The following IPO11 variants were observed in gnomAD, a reference collection of about 807,000 sequenced individuals.
The protein encoded by IPO11 is importin-11.
A neutral mutation model predicts 143.2 loss-of-function variants in IPO11; 66 were observed. The ratio of observed to expected loss-of-function variants is 0.46; its 90% confidence interval spans 0.38 to 0.57. IPO11 has a LOEUF of 0.57. Ranked by LOEUF, IPO11 falls within the 20% of genes least tolerant of loss-of-function variation. IPO11 has a pLI of 0.00. For missense variants in IPO11, 1,026 were observed against 1,141.0 expected (o/e 0.90, Z 1.45); for synonymous variants, 385 against 377.8 (o/e 1.02, Z -0.22).
intron 29 of IPO11, among the ~76,000 whole-genome samples, chr5:62,615,060 T>C (rs568211626): frequency 5.3e-5 from 8 of 152,292 alleles, no homozygotes; most frequent in Admixed American, 4.6e-4. Context: ...TGTTCTGCTC[T>C]TCTTTTCTCC....
At chr5:62,454,297 C>T (rs1214258623) in intron 5 of IPO11, among the ~76,000 whole-genome samples, 4 of 152,206 alleles carry the variant, frequency 2.6e-5, no homozygotes, top group African/African-American at 4.8e-5. Flanking sequence ...TCACTCAAGT[C>T]TTTCTGTGAA....
At chr5:62,452,723 GGTGTGTGTGTGTGTGTGT>G (rs57057274) in intron 5 of IPO11, among the ~76,000 whole-genome samples, 7 of 135,334 alleles carry the variant, frequency 5.2e-5, no homozygotes, top group Admixed American at 2.9e-4. Context: ...TTTTTGGTGG[GGTGTGTGTGTGTGTGTGT>G]GTGTGTGTGT....
chr5:62,613,293 C>CTCT (rs1169859920), intron 29 of IPO11, among the ~76,000 whole-genome samples: 4 of 102,912 alleles, frequency 3.9e-5, no homozygotes, highest in African/African-American at 1.3e-4. Flanking sequence ...ATTCCACATG[C>CTCT]TCTTCTTTTT....
At chr5:62,615,160 G>A (rs552700638) in intron 29 of IPO11, among the ~76,000 whole-genome samples, 12 of 152,284 alleles carry the variant, frequency 7.9e-5, no homozygotes, top group Non-Finnish European at 8.8e-5. Context: ...AAACAGGAGT[G>A]CCTGTTCCCA....
At chr5:62,564,199 A>C (rs2112371511) in intron 27 of IPO11, among the ~76,000 whole-genome samples, 1 of 152,236 alleles carries the variant, frequency 6.6e-6, no homozygotes, top group East Asian at 1.9e-4. Flanking sequence ...GAAAAAAAAA[A>C]CCTTTATTGC....
At chr5:62,421,137 T>C (rs2112096509) in intron 1 of IPO11, among the ~76,000 whole-genome samples, 1 of 152,092 alleles carries the variant, frequency 6.6e-6, no homozygotes, top group South Asian at 2.1e-4. Flanking sequence ...GCATCTCTTC[T>C]GATATTAATT....
intron 29 of IPO11, among the ~76,000 whole-genome samples, chr5:62,625,519 T>G (rs188616077): frequency 3.3e-5 from 5 of 152,370 alleles, no homozygotes; most frequent in African/African-American, 1.2e-4. Context: ...CTCTTGCTAA[T>G]GACTGAAGCT....
chr5:62,505,142 T>G (rs1056695826), intron 18 of IPO11, among the ~76,000 whole-genome samples: 5 of 152,146 alleles, frequency 3.3e-5, no homozygotes, highest in Admixed American at 2.0e-4. Flanking sequence ...TGTGTTGAAG[T>G]TGGTTGTCAA....
rs1305715833 is a variant in IPO11, at chr5:62,581,370, CTTATATAA to C, written c.2583-10199_2583-10192del. ...TGGACATGATTTAAACTGAAACCTC[CTTATATAA>C]TTATATACTTTAGTTGGAAATATAA... On this transcript the variant is annotated intron_variant, in intron 27 of 29. Transcript: ENST00000325324. 3.6e-5 allele frequency: 43 copies of C among 1,196,006 alleles called. No homozygotes were observed. In the East Asian group the frequency reaches 9.3e-4, roughly 26 times the overall value. 74.1% of individuals were successfully genotyped at this position (1,196,006 alleles called of 1,614,324 possible).
At chr5:62,522,470 A>G (rs985855309) in intron 20 of IPO11, among the ~76,000 whole-genome samples, 1 of 152,008 alleles carries the variant, frequency 6.6e-6, no homozygotes, top group Non-Finnish European at 1.5e-5. Flanking sequence ...TATTTAGTGG[A>G]GACAGTGTTT....
intron 26 of IPO11, among the ~76,000 whole-genome samples, chr5:62,552,768 A>T (rs149942382): frequency 0.015 from 2,247 of 152,286 alleles, 51 homozygotes; most frequent in African/African-American, 0.05. Context: ...ATTCAGTCTG[A>T]GATCACAATG....
chr5:62,591,641 A>T lies in IPO11; in HGVS notation c.2647A>T (p.Thr883Ser). 6.2e-7 allele frequency: 1 copy of T among 1,608,678 alleles called. No homozygotes were observed. The highest frequency in any genetic ancestry group is 8.5e-7 in the Non-Finnish European group (1 of 1,177,848). ...AGTAGAAGGCCTGCATGATGTCATG[A>T]CGGAAGATCCTGAAACAGGAACTTA... ...ISVEGLHDVMTEDPETGTYKD... is the reference protein window; with the variant it reads ...ISVEGLHDVMSEDPETGTYKD... Residue 883 changes from threonine to serine, a missense_variant, in exon 28 of 30, where the codon ACG (threonine) becomes TCG (serine). This residue lies in a region of IPO11 where 351 missense variants were observed against 358.9 expected (regional missense o/e 0.98). Coordinates refer to ENST00000325324, the MANE Select transcript of IPO11 (RefSeq NM_016338.5).
At chr5:62,578,631 A>C (rs1225778085) in intron 27 of IPO11, 2 of 461,268 alleles carry the variant, frequency 4.3e-6, no homozygotes. Flanking sequence ...CTGCATTCTG[A>C]AAAAATAAGT....
intron 22 of IPO11, among the ~76,000 whole-genome samples, chr5:62,532,774 T>C (rs1427011892): frequency 6.6e-6 from 1 of 152,224 alleles, no homozygotes; most frequent in African/African-American, 2.4e-5. Context: ...TTATCTAATG[T>C]TTTGCTAGTA....
chr5:62,500,623 A>G (rs1477290886), intron 16 of IPO11, among the ~76,000 whole-genome samples: 1 of 152,080 alleles, frequency 6.6e-6, no homozygotes, highest in Non-Finnish European at 1.5e-5. Context: ...TCAACTTCCC[A>G]ATTACCTGGG....
intron 28 of IPO11, among the ~76,000 whole-genome samples, chr5:62,594,034 A>T (rs1014666299): frequency 2.0e-5 from 3 of 152,180 alleles, no homozygotes; most frequent in African/African-American, 7.2e-5. Context: ...TAAACAGTTT[A>T]TTCAAAAAAG....
At chr5:62,505,479 C>A (rs1041796028) in intron 18 of IPO11, among the ~76,000 whole-genome samples, 1 of 151,940 alleles carries the variant, frequency 6.6e-6, no homozygotes, top group African/African-American at 2.4e-5. Context: ...AAATGTACTT[C>A]TTTTGGTGAG....
At chr5:62,529,067 A>T (rs965785379) in intron 21 of IPO11, among the ~76,000 whole-genome samples, 3 of 152,032 alleles carry the variant, frequency 2.0e-5, no homozygotes, top group African/African-American at 7.2e-5. Context: ...ATCTTATTCT[A>T]CTTGCTTTAG....
At chr5:62,547,066 ACTGTT>A (rs1241685629) in intron 24 of IPO11, among the ~76,000 whole-genome samples, 1 of 152,180 alleles carries the variant, frequency 6.6e-6, no homozygotes, top group Non-Finnish European at 1.5e-5. Flanking sequence ...TTTGAATCTA[ACTGTT>A]ACGATGTTGG....
Sources: gnomAD v4.1 joint callset for allele counts (sites outside exome capture counted in the v4.1 genomes callset) on GRCh38, gnomAD v4.1.1 for gene constraint, gnomAD v4.1.1 regional missense constraint, MANE v1.5 for transcripts, NCBI Gene and HGNC (gene_info 2026-07-23, HGNC 2026-07-21) for gene names.